The following CD58 variants were observed in gnomAD, a reference collection of about 807,000 sequenced individuals.
The protein encoded by CD58 is CD58 molecule.
Under a neutral mutation model 27.6 loss-of-function variants are expected in CD58, and 14 were observed. The ratio of observed to expected loss-of-function variants is 0.51; its 90% CI spans 0.34 to 0.79. The LOEUF is 0.79. Ranked by LOEUF, CD58 falls within the 30% of genes least tolerant of loss-of-function variation. The pLI, the probability that CD58 is intolerant of heterozygous loss-of-function variation, is 0.02. For missense variants in CD58, 268 were observed against 301.7 expected (o/e 0.89, Z 0.83); for synonymous variants, 117 against 103.8 (o/e 1.13, Z -0.77).
chr1:116,570,703 TC>T lies in CD58; in HGVS notation c.70+199del, dbSNP rs1441900953. On this transcript the variant is annotated intron_variant, in intron 1 of 5. Transcript: ENST00000369489. This position sits in a 1 kb window ranked among gnomAD's most constrained non-coding sequence, Gnocchi z 6.4. Reference sequence around the variant, plus strand: ...TAAGGCCACACAGTTCCTTGCTGACTCCATGAGGGACACTGGCGATGAAATA... The same window carrying T: ...TAAGGCCACACAGTTCCTTGCTGACTCATGAGGGACACTGGCGATGAAATA... 6.6e-6 allele frequency among the ~76,000 whole-genome samples: 1 copy of T among 151,904 alleles called. No individual in the cohort carries two copies. Among genetic ancestry groups the T allele is most frequent in the Admixed American group, 6.5e-5 (1 of 15,280 alleles).
intron 3 of CD58, chr1:116,533,926 A>G: frequency 1.4e-6 from 2 of 1,412,268 alleles, no homozygotes; most frequent in African/African-American, 1.4e-5. Context: ...TAAAGTTTCG[A>G]TGTAGCTGGA....
At chr1:116,562,113 C>T (rs1658774845) in intron 1 of CD58, among the ~76,000 whole-genome samples, 1 of 151,976 alleles carries the variant, frequency 6.6e-6, no homozygotes, top group South Asian at 2.1e-4. Flanking sequence ...TGGAGAAATG[C>T]TGGACAAATA....
In CD58 at chr1:116,514,970, G is replaced by A. The variant is rs533329092; in HGVS notation, c.744-148C>T. On this transcript the variant is annotated intron_variant, in intron 5 of 5. Transcript: ENST00000369489. ...AAGGGAGCTAGGGAGCAGGGATGGA[G>A]GAAGAACTGCCTTGAGTGCTCTTGG... is the stretch of plus-strand genomic sequence containing the variant. 2.1e-5 allele frequency: 12 copies of A among 579,362 alleles called. No individual in the cohort carries two copies. In the African/African-American group the frequency reaches 2.3e-4, roughly 11 times the overall value. The allele number at this position is 579,362 out of a possible 1,614,324, so 35.9% of individuals were successfully genotyped here.
chr1:116,521,183 C>G lies in CD58; in HGVS notation c.706+723G>C, dbSNP rs1295730513. Among the ~76,000 whole-genome samples the G allele has an allele frequency of 6.6e-6, 1 of 152,136 alleles. No homozygotes were observed. ...TCTAGTTTATAAACTTGATTCATGA[C>G]ACAATGGATCCTAGATACTATCACT... On this transcript the variant is annotated intron_variant, in intron 4 of 5. Coordinates refer to ENST00000369489, the MANE Select transcript of CD58 (RefSeq NM_001779.3). This position sits in a 1 kb window ranked among gnomAD's most constrained non-coding sequence, Gnocchi z 5.6.
chr1:116,564,372 G>T (rs1424793931), intron 1 of CD58, among the ~76,000 whole-genome samples: 1 of 152,146 alleles, frequency 6.6e-6, no homozygotes, highest in Non-Finnish European at 1.5e-5. Flanking sequence ...ATCCCTGCCT[G>T]TTACCCAGTT....
At position 116,570,296 on chromosome 1, in the gene CD58, G is replaced by A. The variant is rs1463423214; in HGVS notation, c.70+607C>T. ...CTGATACTAGTTTTTAGGATTTGAG[G>A]GGAGGAAAAAGGAGCAGGAGTCGCA... On this transcript the variant is annotated intron_variant, in intron 1 of 5. Transcript: ENST00000369489. This position sits in a 1 kb window ranked among gnomAD's most constrained non-coding sequence, Gnocchi z 6.4. Among the ~76,000 whole-genome samples, 1 of 152,186 alleles carries A rather than the reference G, an allele frequency of 6.6e-6. No homozygotes were observed. Among genetic ancestry groups the A allele is most frequent in the East Asian group, 1.9e-4 (1 of 5,196 alleles).
intron 5 of CD58, among the ~76,000 whole-genome samples, chr1:116,518,111 C>T (rs1398384559): frequency 6.6e-6 from 1 of 152,100 alleles, no homozygotes; most frequent in Non-Finnish European, 1.5e-5. Context: ...TCTATATTAT[C>T]ATTATGCCCA....
At position 116,570,915 on chromosome 1, in the gene CD58, G is replaced by C; in HGVS notation, c.58C>G (p.Leu20Val). The stretch of plus-strand genomic sequence containing the variant: ...AGGCTTCACTCACCAAAGCAGTGCA[G>C]CAGGCAGACCACGCTGAGGACCCCC... ...ALGVLSVVCLLHCFGFISCFS... is the reference protein window; with the variant it reads ...ALGVLSVVCLVHCFGFISCFS... The change falls in exon 1 of 6, where the codon CTG (leucine) becomes GTG (valine). Residue 20 changes from leucine to valine, a missense_variant. Transcript: ENST00000369489. The surrounding 1 kb of genome is among the most constrained non-coding windows in gnomAD (Gnocchi z 6.4). 6.4e-7 allele frequency: 1 copy of C among 1,566,362 alleles called. No homozygotes were observed.
chr1:116,545,950 T>C (rs1330458714), intron 1 of CD58, among the ~76,000 whole-genome samples: 1 of 152,078 alleles, frequency 6.6e-6, no homozygotes, highest in African/African-American at 2.4e-5. Context: ...GCCAAGGTGG[T>C]TGGATTGCTT....
At chr1:116,548,536 C>T (rs1658273470) in intron 1 of CD58, among the ~76,000 whole-genome samples, 1 of 152,154 alleles carries the variant, frequency 6.6e-6, no homozygotes, top group Non-Finnish European at 1.5e-5. Context: ...CTAATAAGTT[C>T]TTTTCTCTAG....
Position 116,523,494 on chromosome 1 carries a change from A to C in CD58, c.629-1511T>G, listed in dbSNP as rs1192644590. On this transcript the variant is annotated intron_variant, in intron 3 of 5. Coordinates refer to ENST00000369489, the MANE Select transcript of CD58 (RefSeq NM_001779.3). The surrounding 1 kb of genome is among the most constrained non-coding windows in gnomAD (Gnocchi z 4.4). ...GGTGTGTTGGAGCAAATAGGCAGTC[A>C]CCTATTGGTCAGATTTGAGAAGACC... 2.6e-5 allele frequency among the ~76,000 whole-genome samples: 4 copies of C among 152,328 alleles called. No individual in the cohort carries two copies. The East Asian group carries it at 7.7e-4, about 29-fold the overall frequency.
chr1:116,520,971 CTT>C (rs1657246215), intron 4 of CD58, among the ~76,000 whole-genome samples: 1 of 152,138 alleles, frequency 6.6e-6, no homozygotes, highest in Non-Finnish European at 1.5e-5. Flanking sequence ...AGGATTATTC[CTT>C]ATCTGGGCTA....
rs759489482 is a variant in CD58 at position 116,544,549 on chromosome 1, A to C, written c.126T>G (p.Thr42=). 2 of 1,613,578 alleles carry C rather than the reference A, an allele frequency of 1.2e-6. No homozygotes were observed. The highest frequency in any genetic ancestry group is 3.3e-5 in the Admixed American group (2 of 59,990). The change falls in exon 2 of 6, where the codon ACT becomes ACG. Residue 42 remains threonine (T), a synonymous_variant. Coordinates refer to ENST00000369489, the MANE Select transcript of CD58 (RefSeq NM_001779.3). ...AAGGCACATTGCTTGGTACATGGAAAGTTACATTCCCATACACAACACCAT... is the reference window on the plus strand; with the variant it reads ...AAGGCACATTGCTTGGTACATGGAACGTTACATTCCCATACACAACACCAT... ...QIYGVVYGNV[T]FHVPSNVPLK...
intron 2 of CD58, among the ~76,000 whole-genome samples, chr1:116,542,042 G>T (rs1433394437): frequency 6.6e-6 from 1 of 152,222 alleles, no homozygotes; most frequent in African/African-American, 2.4e-5. Context: ...ACTTTGGGAG[G>T]CCAAGGCAGG....
In CD58 at chr1:116,563,818, G is replaced by A. The variant is rs1571092627; in HGVS notation, c.70+7085C>T. On this transcript the variant is annotated intron_variant, in intron 1 of 5. Transcript: ENST00000369489. The surrounding 1 kb of genome is among the most constrained non-coding windows in gnomAD (Gnocchi z 4.1). ...GGCCTCCAGGCCTGTGATAGGAGGG[G>A]CTGCCATGAAGGTTTCTGATATGCC... 6.6e-6 allele frequency among the ~76,000 whole-genome samples: 1 copy of A among 152,210 alleles called. No homozygotes were observed. Among genetic ancestry groups the A allele is most frequent in the South Asian group, 2.1e-4 (1 of 4,828 alleles).
chr1:116,525,622 A>G (rs1441441527), intron 3 of CD58, among the ~76,000 whole-genome samples: 1 of 152,224 alleles, frequency 6.6e-6, no homozygotes. Context: ...CTGTCTTCCA[A>G]AGTGGCTGTA....
intron 3 of CD58, chr1:116,533,970 T>C (rs1254613236): frequency 1.5e-5 from 22 of 1,431,350 alleles, no homozygotes; most frequent in Non-Finnish European, 2.2e-5. Flanking sequence ...GTCGCTCCTG[T>C]AAAGCTGCCA....
At position 116,543,577 on chromosome 1, in the gene CD58, G is replaced by A. The variant is rs139594825; in HGVS notation, c.364+734C>T. 4.0e-3 allele frequency among the ~76,000 whole-genome samples: 611 copies of A among 152,242 alleles called. 1 individual carries two copies. The highest frequency in any genetic ancestry group is 6.9e-3 in the Non-Finnish European group (469 of 68,010). On this transcript the variant is annotated intron_variant, in intron 2 of 5. Transcript: ENST00000369489. Reference sequence around the variant, plus strand: ...AAGGGGCTTTAGAGACCAGGGAGGAGTGTCAGTGAGAAGCAGGGAGAAATG... The same window carrying A: ...AAGGGGCTTTAGAGACCAGGGAGGAATGTCAGTGAGAAGCAGGGAGAAATG...
In CD58 at chr1:116,544,613, G is replaced by GA. The variant is rs752337741; in HGVS notation, c.71-10dup. ...AAAACAGCTGATGAAACCTAGGAGA[G>GA]AAAAAAAAATTGGTTAGAAAAAACA... is the stretch of plus-strand genomic sequence containing the variant. On this transcript the variant is annotated splice_polypyrimidine_tract_variant and intron_variant, in intron 1 of 5. Transcript: ENST00000369489. 913 of 1,517,564 alleles carry GA rather than the reference G, an allele frequency of 6.0e-4. No homozygotes were observed. Among genetic ancestry groups the GA allele is most frequent in the Non-Finnish European group, 6.8e-4 (768 of 1,129,470 alleles). The allele number at this position is 1,517,564 out of a possible 1,614,324, so 94.0% of individuals were successfully genotyped here.
Sources: gnomAD v4.1 joint callset for allele counts (sites outside exome capture counted in the v4.1 genomes callset) on GRCh38, gnomAD v4.1.1 for gene constraint, Gnocchi (gnomAD v3.1) non-coding constraint, MANE v1.5 for transcripts, NCBI Gene and HGNC (gene_info 2026-07-23, HGNC 2026-07-21) for gene names.